MYO16: variants seen among roughly 807,000 people sequenced by gnomAD.
The protein encoded by MYO16 is unconventional myosin-XVI.
MYO16 carries 94 observed loss-of-function variants against 205.3 expected under a neutral mutation model. That is an observed-to-expected ratio of 0.46 (90% CI 0.39 to 0.54). The LOEUF is 0.54. Ranked by LOEUF, MYO16 falls within the 20% of genes least tolerant of loss-of-function variation. The pLI is 0.00. For missense variants in MYO16, 2,315 were observed against 2,387.5 expected, an observed-to-expected ratio of 0.97 and a Z score of 0.63; for synonymous variants, 988 against 954.0, an observed-to-expected ratio of 1.04 and a Z score of -0.66.
At chr13:109,113,711 G>A (rs1201976419) in intron 28 of MYO16, among the ~76,000 whole-genome samples, 2 of 152,146 alleles carry the variant, frequency 1.3e-5, no homozygotes, top group African/African-American at 2.4e-5. Flanking sequence ...AGGTGATGAC[G>A]ACTCCATTAG....
intron 4 of MYO16, among the ~76,000 whole-genome samples, chr13:108,727,992 G>T (rs1194211407): frequency 6.6e-6 from 1 of 151,948 alleles, no homozygotes; most frequent in African/African-American, 2.4e-5. Flanking sequence ...TGTCTACAAT[G>T]TTTGTTTACA....
intron 34 of MYO16, among the ~76,000 whole-genome samples, chr13:109,202,998 A>G (rs1880455934): frequency 6.6e-6 from 1 of 152,234 alleles, no homozygotes; most frequent in African/African-American, 2.4e-5. Context: ...AGCCACATAT[A>G]GGAGAATGAA....
the MYO16 span, among the ~76,000 whole-genome samples, chr13:108,564,620 T>G: frequency 6.6e-6 from 1 of 152,220 alleles, no homozygotes; most frequent in Non-Finnish European, 1.5e-5. Context: ...CTTTGCTGAT[T>G]GTTTTCCTTG....
chr13:109,067,454 G>C (rs2139641257), intron 27 of MYO16, among the ~76,000 whole-genome samples: 1 of 152,122 alleles, frequency 6.6e-6, no homozygotes, highest in East Asian at 1.9e-4. Context: ...CATCCCTAAG[G>C]GTGTCTCTAA....
rs561609301 is a variant in MYO16, at chr13:109,051,955, C to T, written c.2873-345C>T. On this transcript the variant is annotated intron_variant, in intron 24 of 34. Transcript: ENST00000457511. ...GGAATGGGGCGTTTCTAATAGAGAC[C>T]ATAAGTCTTCATGATTTGACAAGTG... Among the ~76,000 whole-genome samples, 6 of 152,024 alleles carry T rather than the reference C, an allele frequency of 3.9e-5. No individual in the cohort carries two copies. In the South Asian group the frequency reaches 1.2e-3, roughly 32 times the overall value.
intron 6 of MYO16, among the ~76,000 whole-genome samples, chr13:108,799,639 C>T (rs1337927): frequency 0.21 from 31,820 of 152,046 alleles, 3,456 homozygotes; most frequent in African/African-American, 0.25. Context: ...TATTTTCTCA[C>T]CCAAGTTTTC....
At chr13:109,205,523 G>A (rs980592862) in intron 34 of MYO16, among the ~76,000 whole-genome samples, 2 of 152,192 alleles carry the variant, frequency 1.3e-5, no homozygotes, top group Non-Finnish European at 2.9e-5. Flanking sequence ...TTGGAGGTAG[G>A]ATGAGTCATC....
chr13:109,073,811 TATG>T (rs1327689806), intron 27 of MYO16, among the ~76,000 whole-genome samples: 1 of 152,230 alleles, frequency 6.6e-6, no homozygotes, highest in Non-Finnish European at 1.5e-5. Flanking sequence ...AAGTGACTAA[TATG>T]AGTAGTTTTG....
At position 108,902,603 on chromosome 13, in the gene MYO16, G is replaced by T. The variant is rs540756363; in HGVS notation, c.1777+4470G>T. 1.4e-3 allele frequency among the ~76,000 whole-genome samples: 216 copies of T among 152,260 alleles called. 1 individual carries two copies. The highest frequency in any genetic ancestry group is 1.3e-3 in the Non-Finnish European group (86 of 68,014). ...AGACGCACGAGCTCTTGACCTCTCT[G>T]GGGGGACCTCCCCTGCCCATTCCTA... On this transcript the variant is annotated intron_variant, in intron 15 of 34. Transcript: ENST00000457511.
intron 9 of MYO16, among the ~76,000 whole-genome samples, chr13:108,836,219 G>T (rs2139052739): frequency 6.6e-6 from 1 of 152,346 alleles, no homozygotes; most frequent in East Asian, 1.9e-4. Flanking sequence ...AGTATAGCTT[G>T]GGCCTTGCTT....
intron 1 of MYO16, among the ~76,000 whole-genome samples, chr13:108,609,021 A>G (rs1171402256): frequency 6.6e-6 from 1 of 152,162 alleles, no homozygotes; most frequent in Non-Finnish European, 1.5e-5. Flanking sequence ...GGACATTGAA[A>G]GGTACTCAAT....
chr13:109,158,010 T>G (rs1383939225), intron 32 of MYO16, among the ~76,000 whole-genome samples: 1 of 152,204 alleles, frequency 6.6e-6, no homozygotes, highest in East Asian at 1.9e-4. Flanking sequence ...GGTTTGGACC[T>G]TGTAGGACGT....
intron 32 of MYO16, among the ~76,000 whole-genome samples, chr13:109,156,286 G>A (rs993980531): frequency 6.6e-6 from 1 of 152,166 alleles, no homozygotes; most frequent in African/African-American, 2.4e-5. Context: ...ACGAGAACTT[G>A]AGAAGTGGTG....
chr13:108,733,230 C>A (rs1315804437), intron 4 of MYO16, among the ~76,000 whole-genome samples: 1 of 152,126 alleles, frequency 6.6e-6, no homozygotes. Context: ...TTGGAGGAGG[C>A]TCAGCTACTG....
chr13:108,913,507 G>T (rs1423025349), intron 16 of MYO16, among the ~76,000 whole-genome samples: 1 of 152,134 alleles, frequency 6.6e-6, no homozygotes, highest in African/African-American at 2.4e-5. Context: ...TGGTAATTAT[G>T]AGTATTAAGT....
intron 20 of MYO16, among the ~76,000 whole-genome samples, chr13:108,969,582 A>C (rs1422749287): frequency 1.3e-5 from 2 of 152,040 alleles, no homozygotes; most frequent in African/African-American, 4.8e-5. Context: ...AGGAGGCATC[A>C]CCTCCACTCG....
At position 109,125,859 on chromosome 13, in the gene MYO16, A is replaced by G. The variant is rs1382602357; in HGVS notation, c.3782+501A>G. ...GTAAACTGTCACGTCTCTCTTTACC[A>G]ATAAAGCAAGCTTTGGGGAAAGCTT... On this transcript the variant is annotated intron_variant, in intron 30 of 34. Transcript: ENST00000457511. The surrounding 1 kb of genome is among the most constrained non-coding windows in gnomAD (Gnocchi z 4.0). Among the ~76,000 whole-genome samples the G allele has an allele frequency of 6.6e-6, 1 of 152,214 alleles. No homozygotes were observed. Among genetic ancestry groups the G allele is most frequent in the Admixed American group, 6.5e-5 (1 of 15,288 alleles).
At chr13:108,780,260 A>G (rs1886258658) in intron 4 of MYO16, among the ~76,000 whole-genome samples, 2 of 152,298 alleles carry the variant, frequency 1.3e-5, no homozygotes, top group South Asian at 4.1e-4. Flanking sequence ...GAATGAAAGC[A>G]AGGCATTTTT....
intron 10 of MYO16, among the ~76,000 whole-genome samples, chr13:108,851,457 A>C (rs1455126038): frequency 2.0e-5 from 3 of 152,150 alleles, no homozygotes; most frequent in African/African-American, 7.2e-5. Flanking sequence ...TTTTGCCACA[A>C]GTGATTTCTC....
Sources: allele counts gnomAD v4.1 joint callset (sites outside exome capture counted in the v4.1 genomes callset), GRCh38; gene constraint gnomAD v4.1.1; non-coding constraint Gnocchi (gnomAD v3.1); transcripts MANE v1.5; gene names NCBI Gene and HGNC (gene_info 2026-07-23, HGNC 2026-07-21).